PIEZO2: variants seen among roughly 807,000 people sequenced by gnomAD.
PIEZO2 encodes piezo-type mechanosensitive ion channel component 2.
Under a neutral mutation model 337.3 loss-of-function variants are expected in PIEZO2, and 172 were observed. That is an observed-to-expected ratio of 0.51 (90% CI 0.45 to 0.58). The LOEUF (loss-of-function observed/expected upper bound fraction) is 0.58. Among genes scored for constraint, PIEZO2 ranks in the 20% least tolerant of loss-of-function variants. The probability of loss-of-function intolerance (pLI) is 0.00; values close to 1 mark genes in which losing one functional copy is unlikely to be tolerated. For synonymous variants in PIEZO2, 1,251 were observed against 1,228.5 expected, an observed-to-expected ratio of 1.02 and a Z score of -0.38; for missense variants, 3,028 against 3,391.3, an observed-to-expected ratio of 0.89 and a Z score of 2.66.
rs2035194985 is a variant in PIEZO2, at chr18:10,993,699, CT to C, written c.161-14040del. On this transcript the variant is annotated intron_variant, in intron 2 of 55. Coordinates refer to ENST00000674853, the MANE Select transcript of PIEZO2 (RefSeq NM_001378183.1). The surrounding 1 kb of genome is among the most constrained non-coding windows in gnomAD (Gnocchi z 5.0). ...CTCTCACAATGCCCGGCTAATTTTT[CT>C]GTATTTTTAGTAGAGACGGTGTTTC... 6.6e-6 allele frequency among the ~76,000 whole-genome samples: 1 copy of C among 151,920 alleles called. No homozygotes were observed. Among genetic ancestry groups the C allele is most frequent in the Non-Finnish European group, 1.5e-5 (1 of 67,962 alleles).
At chr18:11,034,957 C>T (rs753112866) in intron 2 of PIEZO2, among the ~76,000 whole-genome samples, 2 of 152,222 alleles carry the variant, frequency 1.3e-5, no homozygotes, top group African/African-American at 2.4e-5. Context: ...TCCTGACTGC[C>T]AGACAGGTTC....
At chr18:10,749,283 C>CA (rs1334067561) in intron 29 of PIEZO2, among the ~76,000 whole-genome samples, 1 of 151,890 alleles carries the variant, frequency 6.6e-6, no homozygotes, top group East Asian at 1.9e-4. Context: ...AACATCTCTA[C>CA]AAAAAATTAA....
In PIEZO2 at chr18:10,888,364, T is replaced by C. The variant is rs1568167778; in HGVS notation, c.330-16949A>G. Reference sequence around the variant, plus strand: ...ATTCACTGTGCATTCTTCTACTTTCTGACACAGTAAGGTTTTTAGGCCTGT... The same window carrying C: ...ATTCACTGTGCATTCTTCTACTTTCCGACACAGTAAGGTTTTTAGGCCTGT... On this transcript the variant is annotated intron_variant, in intron 4 of 55. Transcript: ENST00000674853. The surrounding 1 kb of genome is among the most constrained non-coding windows in gnomAD (Gnocchi z 4.1). Among the ~76,000 whole-genome samples, 3 of 152,206 alleles carry C rather than the reference T, an allele frequency of 2.0e-5. No homozygotes were observed. Among genetic ancestry groups the C allele is most frequent in the African/African-American group, 4.8e-5 (2 of 41,456 alleles).
chr18:10,965,324 T>C (rs536115978), intron 3 of PIEZO2, among the ~76,000 whole-genome samples: 1 of 152,360 alleles, frequency 6.6e-6, no homozygotes, highest in South Asian at 2.1e-4. Flanking sequence ...GTCATTTGTT[T>C]CTTATTATAG....
intron 21 of PIEZO2, among the ~76,000 whole-genome samples, chr18:10,765,914 T>C (rs2038334242): frequency 6.6e-6 from 1 of 152,070 alleles, no homozygotes; most frequent in Admixed American, 6.6e-5. Flanking sequence ...GGTGAGCTGA[T>C]GTCCAAAACA....
At chr18:10,883,701 A>G (rs937744222) in intron 4 of PIEZO2, among the ~76,000 whole-genome samples, 3 of 152,018 alleles carry the variant, frequency 2.0e-5, no homozygotes, top group Non-Finnish European at 2.9e-5. Flanking sequence ...GAGGTCTTGA[A>G]CTTATTCTTC....
intron 4 of PIEZO2, among the ~76,000 whole-genome samples, chr18:10,886,748 T>G (rs1277927212): frequency 6.6e-6 from 1 of 151,748 alleles, no homozygotes; most frequent in East Asian, 1.9e-4. Context: ...CCATGGAAAG[T>G]GAAATGGCTG....
At chr18:10,753,582 A>T (rs143121548) in intron 27 of PIEZO2, among the ~76,000 whole-genome samples, 239 of 152,272 alleles carry the variant, frequency 1.6e-3, no homozygotes, top group African/African-American at 5.6e-3. Flanking sequence ...GCATTTCTTG[A>T]TTAGAACTTT....
At position 10,682,898 on chromosome 18, in the gene PIEZO2, G is replaced by A. The variant is rs1272197896; in HGVS notation, c.7498-606C>T. ...TGTTGCAGGGGCTCACTCTCCTACA[G>A]GAGCCTGTGCACCAGTAAGGCTGGG... On this transcript the variant is annotated intron_variant, in intron 49 of 55. Transcript: ENST00000674853. The surrounding 1 kb of genome is among the most constrained non-coding windows in gnomAD (Gnocchi z 5.6). Among the ~76,000 whole-genome samples, 1 of 152,196 alleles carries A rather than the reference G, an allele frequency of 6.6e-6. No homozygotes were observed. The highest frequency in any genetic ancestry group is 1.5e-5 in the Non-Finnish European group (1 of 68,040).
chr18:11,021,791 G>C lies in PIEZO2; in HGVS notation c.161-42131C>G, dbSNP rs2145715145. Among the ~76,000 whole-genome samples the C allele has an allele frequency of 6.6e-6, 1 of 152,302 alleles. No homozygotes were observed. The highest frequency in any genetic ancestry group is 1.9e-4 in the East Asian group (1 of 5,178). ...GTGTGAGGCATCATCTAGACGCTGG[G>C]GGACTGCAGATGCAAACCAGGAAAA... On this transcript the variant is annotated intron_variant, in intron 2 of 55. Coordinates refer to ENST00000674853, the MANE Select transcript of PIEZO2 (RefSeq NM_001378183.1). The surrounding 1 kb of genome is among the most constrained non-coding windows in gnomAD (Gnocchi z 4.7).
At chr18:10,912,396 A>G (rs2030559837) in intron 3 of PIEZO2, among the ~76,000 whole-genome samples, 1 of 152,198 alleles carries the variant, frequency 6.6e-6, no homozygotes, top group Admixed American at 6.5e-5. Context: ...TAACTATTGC[A>G]GGTAAATACC....
intron 49 of PIEZO2, among the ~76,000 whole-genome samples, chr18:10,685,144 G>A (rs550688078): frequency 1.3e-5 from 2 of 152,342 alleles, no homozygotes; most frequent in South Asian, 2.1e-4. Flanking sequence ...GCTTCATAAA[G>A]TGTGTTTGTA....
intron 35 of PIEZO2, among the ~76,000 whole-genome samples, chr18:10,732,527 A>G (rs975987973): frequency 3.3e-5 from 5 of 152,244 alleles, no homozygotes; most frequent in African/African-American, 1.2e-4. Flanking sequence ...ATATATGGAA[A>G]TGGAAGGGTC....
chr18:11,083,947 CG>C lies in PIEZO2; in HGVS notation c.65-17726del, dbSNP rs991559455. Reference sequence around the variant, plus strand: ...ATCCCAGCACTTTGGGAGGCCAAGGCGGGCTGACCAACTGAGGTCAGGAGTT... The same window carrying C: ...ATCCCAGCACTTTGGGAGGCCAAGGCGGCTGACCAACTGAGGTCAGGAGTT... On this transcript the variant is annotated intron_variant, in intron 1 of 55. Coordinates refer to ENST00000674853, the MANE Select transcript of PIEZO2 (RefSeq NM_001378183.1). The surrounding 1 kb of genome is among the most constrained non-coding windows in gnomAD (Gnocchi z 4.4). Among the ~76,000 whole-genome samples the C allele has an allele frequency of 1.6e-4, 24 of 152,126 alleles. No homozygotes were observed. Among genetic ancestry groups the C allele is most frequent in the African/African-American group, 5.5e-4 (23 of 41,512 alleles).
At chr18:10,984,714 GA>G (rs1401974137) in intron 2 of PIEZO2, among the ~76,000 whole-genome samples, 3 of 152,092 alleles carry the variant, frequency 2.0e-5, no homozygotes, top group African/African-American at 7.2e-5. Flanking sequence ...CCTGTAGAGT[GA>G]AACAAACATA....
Position 10,789,084 on chromosome 18 carries a change from A to T in PIEZO2, c.2164T>A (p.Tyr722Asn). 1 of 1,536,612 alleles carries T rather than the reference A, an allele frequency of 6.5e-7. No individual in the cohort carries two copies. The highest frequency in any genetic ancestry group is 8.7e-7 in the Non-Finnish European group (1 of 1,146,492). ...MVLFLFCVAL[Y>N]QVHYEWWRKI... ...ATGGTCAACTGTGTACCTACCTGGT[A>T]TAGGGCCACACAGAACAGGAACAGC... Residue 722 changes from tyrosine to asparagine, a missense_variant, in exon 15 of 56, where the codon TAC (tyrosine) becomes AAC (asparagine). Physicochemically the swap from Tyr to Asn is moderately radical, Grantham distance 143. Coordinates refer to ENST00000674853, the MANE Select transcript of PIEZO2 (RefSeq NM_001378183.1).
At chr18:10,720,613 C>T (rs1402515652) in intron 36 of PIEZO2, among the ~76,000 whole-genome samples, 2 of 150,546 alleles carry the variant, frequency 1.3e-5, no homozygotes, top group East Asian at 1.9e-4. Context: ...CAACACCACA[C>T]CTGACTATAT....
intron 3 of PIEZO2, among the ~76,000 whole-genome samples, chr18:10,936,687 G>A (rs1337994480): frequency 6.6e-6 from 1 of 152,240 alleles, no homozygotes; most frequent in Non-Finnish European, 1.5e-5. Flanking sequence ...ACAGTCAGAT[G>A]TCATCGCTTC....
chr18:11,079,208 T>C (rs928408700), intron 1 of PIEZO2, among the ~76,000 whole-genome samples: 1 of 152,206 alleles, frequency 6.6e-6, no homozygotes, highest in African/African-American at 2.4e-5. Context: ...ATTTACGAAA[T>C]GGTGCATAAT....
Sources: gnomAD v4.1 joint callset for allele counts (sites outside exome capture counted in the v4.1 genomes callset) on GRCh38, gnomAD v4.1.1 for gene constraint, Gnocchi (gnomAD v3.1) non-coding constraint, MANE v1.5 for transcripts, NCBI Gene and HGNC (gene_info 2026-07-23, HGNC 2026-07-21) for gene names.